ERICH1: variants seen among roughly 807,000 people sequenced by gnomAD.
ERICH1 encodes glutamate rich 1, also known as glutamate-rich protein 1.
Under a neutral mutation model 39.6 loss-of-function variants are expected in ERICH1, and 56 were observed. That is an observed-to-expected ratio of 1.41 (90% CI 1.14 to 1.77). The LOEUF is 1.77. Among genes scored for constraint, ERICH1 ranks in the 40% most tolerant of loss-of-function variants. The pLI is 0.00. For synonymous variants in ERICH1, 313 were observed against 223.6 expected, an observed-to-expected ratio of 1.40 and a Z score of -3.57; for missense variants, 826 against 575.4, an observed-to-expected ratio of 1.44 and a Z score of -4.45.
At position 692,470 on chromosome 8, in the gene ERICH1, C is replaced by G. The variant is rs1274108948; in HGVS notation, c.304+8G>C. On this transcript the variant is annotated splice_region_variant and intron_variant, in intron 3 of 5. Coordinates refer to ENST00000262109, the MANE Select transcript of ERICH1 (RefSeq NM_207332.3). The stretch of plus-strand genomic sequence containing the variant: ...GATGTCTACCTTTCCTCCCACCCAG[C>G]ATTTTACCTTCTGTGTCATCCCCGC... 1 of 1,613,928 alleles carries G rather than the reference C, an allele frequency of 6.2e-7. No homozygotes were observed. Among genetic ancestry groups the G allele is most frequent in the Non-Finnish European group, 8.5e-7 (1 of 1,179,986 alleles).
Position 716,754 on chromosome 8 carries a change from G to C in ERICH1, c.23-747C>G, listed in dbSNP as rs540686603. Among the ~76,000 whole-genome samples the C allele has an allele frequency of 1.1e-4, 17 of 152,274 alleles. No homozygotes were observed. In the South Asian group the frequency reaches 3.5e-3, roughly 32 times the overall value. On this transcript the variant is annotated intron_variant, in intron 1 of 5. Transcript: ENST00000262109. ...TCAGCACTCCTGAAACAACTGCCTG[G>C]TGCCTTTAGGAACAGGGAGGCAGGG...
In ERICH1 at chr8:639,927, C is replaced by A. The variant is rs184658712; in HGVS notation, c.977-24643G>T. Among the ~76,000 whole-genome samples, 3 of 152,308 alleles carry A rather than the reference C, an allele frequency of 2.0e-5. No homozygotes were observed. In the East Asian group the frequency reaches 5.8e-4, roughly 29 times the overall value. ...CTGGCCTTAATTAAGTTTCTTATTT[C>A]CTGAGCTTGTGTTTCCAGGTAAGAT... On this transcript the variant is annotated intron_variant, in intron 3 of 3. Transcript: ENST00000522706.
At chr8:689,105 C>T (rs537230647) in intron 3 of ERICH1, among the ~76,000 whole-genome samples, 44 of 143,926 alleles carry the variant, frequency 3.1e-4, no homozygotes, top group African/African-American at 9.6e-4. Flanking sequence ...GAAGAGCTCA[C>T]GTATGATCTT....
At chr8:658,275 A>G (rs1351719259) in intron 3 of ERICH1, among the ~76,000 whole-genome samples, 1 of 151,952 alleles carries the variant, frequency 6.6e-6, no homozygotes, top group Admixed American at 6.6e-5. Flanking sequence ...GTGACTGGGG[A>G]GAGAGGCTGG....
chr8:629,463 G>A (rs1230413435), intron 3 of ERICH1, among the ~76,000 whole-genome samples: 3 of 144,524 alleles, frequency 2.1e-5, no homozygotes, highest in Admixed American at 6.9e-5. Context: ...ACACGCTCCC[G>A]TGACCACCCA....
intron 1 of ERICH1, among the ~76,000 whole-genome samples, chr8:723,032 G>A (rs1380446097): frequency 6.6e-6 from 1 of 152,250 alleles, no homozygotes; most frequent in Non-Finnish European, 1.5e-5. Context: ...CTACTGGGAG[G>A]TGTCTGGGCC....
At chr8:729,932 T>C (rs1404344321) in intron 1 of ERICH1, among the ~76,000 whole-genome samples, 2 of 150,010 alleles carry the variant, frequency 1.3e-5, no homozygotes, top group Non-Finnish European at 3.0e-5. Flanking sequence ...AAGAGAAGAG[T>C]GTGTTGTGGT....
At chr8:686,519 T>G (rs564295730) in intron 3 of ERICH1, 1 of 152,230 alleles carries the variant, frequency 6.6e-6, no homozygotes, top group Non-Finnish European at 1.5e-5. Flanking sequence ...AGTTCATGCC[T>G]GACACCCGGC....
Position 692,552 on chromosome 8 carries a change from C to A in ERICH1, c.230G>T (p.Gly77Val). Residue 77 changes from glycine to valine, a missense_variant, in exon 3 of 6, where the codon GGC (glycine) becomes GTC (valine). Physicochemically the swap from Gly to Val is moderately radical, Grantham distance 109. Coordinates refer to ENST00000262109, the MANE Select transcript of ERICH1 (RefSeq NM_207332.3). ...RLYTASGPPEGYVPCWPEPSS... is the reference protein window; with the variant it reads ...RLYTASGPPEVYVPCWPEPSS... ...GGGCTCCGGCCAACAGGGGACGTAG[C>A]CCTCAGGAGGCCCGCTGGCAGTGTA... 6.2e-7 allele frequency: 1 copy of A among 1,613,470 alleles called. No individual in the cohort carries two copies. Among genetic ancestry groups the A allele is most frequent in the East Asian group, 2.2e-5 (1 of 44,776 alleles).
chr8:678,071 C>A (rs1281623365), intron 3 of ERICH1, among the ~76,000 whole-genome samples: 1 of 151,880 alleles, frequency 6.6e-6, no homozygotes, highest in Non-Finnish European at 1.5e-5. Context: ...GGCAAAAAGG[C>A]CATAAAATGT....
intron 1 of ERICH1, among the ~76,000 whole-genome samples, chr8:728,249 G>A (rs1341821732): frequency 6.6e-6 from 1 of 152,188 alleles, no homozygotes; most frequent in Non-Finnish European, 1.5e-5. Context: ...CAGGCAGCAG[G>A]GACACAGTAA....
At chr8:709,643 T>C (rs1466984744) in intron 2 of ERICH1, among the ~76,000 whole-genome samples, 1 of 152,222 alleles carries the variant, frequency 6.6e-6, no homozygotes, top group Admixed American at 6.5e-5. Context: ...TGCTGAAGCT[T>C]TGTGAAAAGA....
chr8:688,979 G>A (rs1808302265), intron 3 of ERICH1, among the ~76,000 whole-genome samples: 1 of 152,076 alleles, frequency 6.6e-6, no homozygotes, highest in African/African-American at 2.4e-5. Flanking sequence ...ACAAAAACAA[G>A]GAAAAAAGGC....
intron 3 of ERICH1, among the ~76,000 whole-genome samples, chr8:687,267 T>C (rs1450847536): frequency 6.6e-6 from 1 of 152,214 alleles, no homozygotes; most frequent in Non-Finnish European, 1.5e-5. Context: ...CTCACACCGC[T>C]TGTGATTAGG....
chr8:668,829 G>GT (rs1216008692), intron 4 of ERICH1, 37 bp from the exon 5 acceptor site: 1 of 1,542,708 alleles, frequency 6.5e-7, no homozygotes, highest in Non-Finnish European at 8.7e-7. Context: ...ATACAGTTTT[G>GT]TTTTTATTTC....
chr8:659,833 C>A (rs59517622), downstream of ERICH1, among the ~76,000 whole-genome samples: 1 of 43,080 alleles, frequency 2.3e-5, no homozygotes, highest in African/African-American at 1.3e-4. Flanking sequence ...TGTGCACTGA[C>A]CATCCTGGGG....
intron 3 of ERICH1, among the ~76,000 whole-genome samples, chr8:644,406 T>A (rs1163635092): frequency 6.6e-5 from 1 of 15,120 alleles, no homozygotes; most frequent in Non-Finnish European, 4.4e-4. Context: ...AGGAAGATTC[T>A]TTAGTGAGAT....
intron 3 of ERICH1, among the ~76,000 whole-genome samples, chr8:623,406 G>A (rs1258452871): frequency 6.6e-6 from 1 of 152,190 alleles, no homozygotes; most frequent in East Asian, 1.9e-4. Context: ...TGATGCTTAT[G>A]TTTATGGTCA....
At chr8:643,155 C>T (rs937713270) in intron 3 of ERICH1, among the ~76,000 whole-genome samples, 7 of 152,296 alleles carry the variant, frequency 4.6e-5, no homozygotes, top group South Asian at 2.1e-4. Flanking sequence ...CGTCCACAGC[C>T]GGGGACTGCT....
Sources: gnomAD v4.1 joint callset for allele counts (sites outside exome capture counted in the v4.1 genomes callset) on GRCh38, gnomAD v4.1.1 for gene constraint, MANE v1.5 for transcripts, NCBI Gene and HGNC (gene_info 2026-07-23, HGNC 2026-07-21) for gene names.